The following SRSF9 variants were observed in gnomAD, a reference collection of about 807,000 sequenced individuals.
SRSF9 encodes the protein serine and arginine rich splicing factor 9, also known as serine/arginine-rich splicing factor 9.
A neutral mutation model predicts 25.9 loss-of-function variants in SRSF9; 3 were observed. The observed-to-expected ratio is 0.12, with a 90% CI of 0.05 to 0.30. The LOEUF (loss-of-function observed/expected upper bound fraction) is 0.30. SRSF9 is among the 10% of genes least tolerant of loss of function. The probability of loss-of-function intolerance (pLI) is 1.00; values close to 1 mark genes in which losing one functional copy is unlikely to be tolerated. For synonymous variants in SRSF9, 114 were observed against 113.2 expected, an observed-to-expected ratio of 1.01 and a Z score of -0.05; for missense variants, 161 against 303.5, an observed-to-expected ratio of 0.53 and a Z score of 3.49.
chr12:120,465,732 G>A lies in SRSF9; in HGVS notation c.244C>T (p.Leu82Phe). 1 of 1,604,170 alleles carries A rather than the reference G, an allele frequency of 6.2e-7. No individual in the cohort carries two copies. The highest frequency in any genetic ancestry group is 8.5e-7 in the Non-Finnish European group (1 of 1,176,828). The part of the protein sequence containing the change: ...RNGYDYGQCR[L>F]RVEFPRTYGG... ...TAAGTCCTGGGGAACTCCACACGAA[G>A]CCGACACTGGCCATAATCATAACCA... Residue 82 changes from leucine to phenylalanine, a missense_variant, in exon 2 of 4, where the codon CTT becomes TTT. By Grantham distance (22) the Leu-to-Phe change is conservative. Around this residue, in one of 3 missense-constraint regions of SRSF9, gnomAD observed 99 missense variants for 156.7 expected, o/e 0.63. Coordinates refer to ENST00000229390, the MANE Select transcript of SRSF9 (RefSeq NM_003769.3).
chr12:120,468,427 G>A (rs572922985), intron 1 of SRSF9, among the ~76,000 whole-genome samples: 30 of 152,290 alleles, frequency 2.0e-4, no homozygotes, highest in African/African-American at 7.0e-4. Flanking sequence ...CCGGTTTTGA[G>A]GCAAATGAGG....
intron 1 of SRSF9, 149 bp downstream of exon 1, chr12:120,469,273 C>T (rs1030415173): frequency 2.7e-5 from 14 of 524,038 alleles, no homozygotes; most frequent in Middle Eastern, 1.0e-3. Flanking sequence ...GCTGCCTCAT[C>T]CTCCACCCGT....
At chr12:120,463,188 G>C (rs979980998) in intron 3 of SRSF9, 1 of 152,154 alleles carries the variant, frequency 6.6e-6, no homozygotes, top group African/African-American at 2.4e-5. Context: ...CAATCAAACT[G>C]AGATCCAAAA....
chr12:120,464,001 G>A lies in SRSF9; in HGVS notation c.471C>T (p.Asp157=). The A allele has an allele frequency of 1.2e-6, 2 of 1,613,998 alleles. No homozygotes were observed. Among genetic ancestry groups the A allele is most frequent in the Non-Finnish European group, 8.5e-7 (1 of 1,179,924 alleles). ...CCAGTTTACGCAGGGCATATTCCAT[G>A]TCTTCTTTTCTGAGATACTCGACCA... ...VGMVEYLRKE[D]MEYALRKLDD... The change falls in exon 3 of 4, where the codon GAC becomes GAT. Residue 157 remains aspartate (D), a synonymous_variant. Transcript: ENST00000229390.
Position 120,469,452 on chromosome 12 carries a change from G to C in SRSF9, c.158C>G (p.Pro53Arg), listed in dbSNP as rs771143682. Residue 53 changes from proline (P) to arginine (R), a missense_variant, in exon 1 of 4, where the codon CCC (proline) becomes CGC (arginine). By Grantham distance (103) the Pro-to-Arg change is moderately radical. Transcript: ENST00000229390. ...IELKNRHGLVPFAFVRFEDPR... is the reference protein window; with the variant it reads ...IELKNRHGLVRFAFVRFEDPR... ...GTCCTCGAAGCGCACGAAGGCGAAG[G>C]GCACGAGGCCGTGCCGGTTCTTGAG... 6.3e-7 allele frequency: 1 copy of C among 1,589,878 alleles called. No individual in the cohort carries two copies. Among genetic ancestry groups the C allele is most frequent in the Non-Finnish European group, 8.6e-7 (1 of 1,169,538 alleles).
At chr12:120,462,609 G>A (rs1411052905) in intron 3 of SRSF9, 1 of 153,634 alleles carries the variant, frequency 6.5e-6, no homozygotes, top group Non-Finnish European at 1.4e-5. Context: ...GTGAGGACCT[G>A]AGCTAGATGC....
chr12:120,463,574 G>C (rs1878413665), intron 3 of SRSF9: 1 of 165,472 alleles, frequency 6.0e-6, no homozygotes, highest in Non-Finnish European at 1.3e-5. Context: ...GTAGAGCTCA[G>C]CCTGGACCCA....
intron 1 of SRSF9, among the ~76,000 whole-genome samples, 196 bp downstream of exon 1, chr12:120,469,223 TGAC>T (rs1878570711): frequency 6.6e-6 from 1 of 151,196 alleles, no homozygotes; most frequent in African/African-American, 2.4e-5. Context: ...ATAAAGGAAG[TGAC>T]GACGGCGCGA....
At chr12:120,462,191 A>C in intron 3 of SRSF9, 29 bp from the exon 4 acceptor site, 1 of 1,582,460 alleles carries the variant, frequency 6.3e-7, no homozygotes, top group Non-Finnish European at 8.6e-7. Context: ...CAAAAAGAGT[A>C]AAGGGGAAAA....
At chr12:120,463,824 A>T in intron 3 of SRSF9, 126 bp downstream of exon 3, 2 of 1,123,910 alleles carry the variant, frequency 1.8e-6, no homozygotes. Context: ...GGCTTTGTCC[A>T]CCTAAGATAG....
Position 120,462,103 on chromosome 12 carries a change from C to T in SRSF9, c.582G>A (p.Arg194=). The change falls in exon 4 of 4, where the codon CGG becomes CGA. Residue 194 remains arginine (R), a synonymous_variant. Transcript: ENST00000229390. ...PERSTSYGYS[R]SRSGSRGRDS... ...CACGGCCCCTTGACCCAGACCGAGA[C>T]CGTGAGTAGCCATAGCTGGTGCTTC... is the stretch of plus-strand genomic sequence containing the variant. 6.2e-7 allele frequency: 1 copy of T among 1,612,150 alleles called. No homozygotes were observed. The highest frequency in any genetic ancestry group is 8.5e-7 in the Non-Finnish European group (1 of 1,179,832).
intron 3 of SRSF9, 135 bp downstream of exon 3, chr12:120,463,815 G>T: frequency 9.9e-7 from 1 of 1,008,294 alleles, no homozygotes; most frequent in Non-Finnish European, 1.4e-6. Flanking sequence ...AAATTCCATG[G>T]CTTTGTCCAC....
At chr12:120,463,923 GCTC>G (rs748433319) in intron 3 of SRSF9, 24 bp downstream of exon 3, 5 of 1,578,216 alleles carry the variant, frequency 3.2e-6, no homozygotes, top group Non-Finnish European at 4.3e-6. Context: ...TTGAGTACAA[GCTC>G]CTCAACAGAA....
chr12:120,468,091 T>C (rs1338289316), intron 1 of SRSF9, among the ~76,000 whole-genome samples: 4 of 53,372 alleles, frequency 7.5e-5, no homozygotes, highest in Non-Finnish European at 1.3e-4. Context: ...TGAAGACCTG[T>C]CTCAAAAAAA....
rs1878366574 is a variant in SRSF9 at position 120,462,249 on chromosome 12, T to G, written c.523-87A>C. On this transcript the variant is annotated intron_variant, in intron 3 of 3. Coordinates refer to ENST00000229390, the MANE Select transcript of SRSF9 (RefSeq NM_003769.3). The stretch of plus-strand genomic sequence containing the variant: ...CAAACCAACATCTAACAATAATAGT[T>G]AAGTATTGAGCACTTACTGTGTACT... 2.1e-6 allele frequency: 3 copies of G among 1,423,464 alleles called. No individual in the cohort carries two copies. In the South Asian group the frequency reaches 4.0e-5, roughly 19 times the overall value. 88.2% of individuals were successfully genotyped at this position (1,423,464 alleles called of 1,614,324 possible).
chr12:120,466,225 G>A (rs1004815010), intron 1 of SRSF9, among the ~76,000 whole-genome samples: 3 of 152,144 alleles, frequency 2.0e-5, no homozygotes, highest in African/African-American at 7.2e-5. Flanking sequence ...ATAAAAAGTA[G>A]GCGGTTAGCC....
rs929223890 is a variant in SRSF9 at position 120,463,979 on chromosome 12, G to A, written c.493C>T (p.Leu165=). The change falls in exon 3 of 4, where the codon CTG becomes TTG. Residue 165 remains leucine (L), a synonymous_variant. Coordinates refer to ENST00000229390, the MANE Select transcript of SRSF9 (RefSeq NM_003769.3). Reference sequence around the variant, plus strand: ...TGAGAGCGGAATTTGGTGTCATCCAGTTTACGCAGGGCATATTCCATGTCT... The same window carrying A: ...TGAGAGCGGAATTTGGTGTCATCCAATTTACGCAGGGCATATTCCATGTCT... ...KEDMEYALRK[L]DDTKFRSHEG... 2.5e-6 allele frequency: 4 copies of A among 1,612,898 alleles called. No individual in the cohort carries two copies. In the Admixed American group the frequency reaches 6.7e-5, roughly 27 times the overall value.
At chr12:120,465,576 T>C (rs760887460) in intron 2 of SRSF9, 51 bp downstream of exon 2, 6 of 1,515,464 alleles carry the variant, frequency 4.0e-6, no homozygotes, top group Non-Finnish European at 4.4e-6. Flanking sequence ...AGACAGACTC[T>C]GTGTTAAGTA....
At chr12:120,468,094 CAAA>C (rs62860261) in intron 1 of SRSF9, among the ~76,000 whole-genome samples, 140 of 91,698 alleles carry the variant, frequency 1.5e-3, no homozygotes, top group African/African-American at 1.9e-3. Context: ...AGACCTGTCT[CAAA>C]AAAAAAAAAA....
Sources: gnomAD v4.1 joint callset for allele counts (sites outside exome capture counted in the v4.1 genomes callset) on GRCh38, gnomAD v4.1.1 for gene constraint, gnomAD v4.1.1 regional missense constraint, MANE v1.5 for transcripts, NCBI Gene and HGNC (gene_info 2026-07-23, HGNC 2026-07-21) for gene names.